TMEM232: variants seen among roughly 807,000 people sequenced by gnomAD.
TMEM232 encodes transmembrane protein 232.
Under a neutral mutation model 78.8 loss-of-function variants are expected in TMEM232, and 80 were observed. The observed-to-expected ratio is 1.01, with a 90% confidence interval of 0.85 to 1.22. The LOEUF (loss-of-function observed/expected upper bound fraction) is 1.22. Among genes scored for constraint, TMEM232 ranks in the 50% most tolerant of loss-of-function variants. The pLI, the probability that TMEM232 is intolerant of heterozygous loss-of-function variation, is 0.00. For missense variants in TMEM232, 881 were observed against 742.2 expected, an observed-to-expected ratio of 1.19 and a Z score of -2.17; for synonymous variants, 297 against 254.3, an observed-to-expected ratio of 1.17 and a Z score of -1.60.
intron 1 of TMEM232, among the ~76,000 whole-genome samples, chr5:110,706,301 G>A (rs552045328): frequency 6.6e-6 from 1 of 152,222 alleles, no homozygotes; most frequent in East Asian, 1.9e-4. Context: ...GTATGCTCAG[G>A]TGATGTATGT....
At chr5:110,532,056 G>T (rs557922940) in intron 11 of TMEM232, among the ~76,000 whole-genome samples, 15 of 152,114 alleles carry the variant, frequency 9.9e-5, no homozygotes, top group African/African-American at 3.4e-4. Flanking sequence ...ACTTCCAAAC[G>T]CCTGAACTGC....
intron 12 of TMEM232, among the ~76,000 whole-genome samples, chr5:110,449,066 A>G (rs1037582289): frequency 1.3e-5 from 2 of 152,158 alleles, no homozygotes; most frequent in South Asian, 2.1e-4. Flanking sequence ...ATGATATTAA[A>G]AAAGGAAATG....
chr5:110,439,025 T>G lies in TMEM232; in HGVS notation c.1704-14109A>C, dbSNP rs1288836769. ...GATATTTTTATCTCAATTGAATAAT[T>G]CTGATTTTCTGTTTTGGAGGACTGA... On this transcript the variant is annotated intron_variant, in intron 12 of 13. Transcript: ENST00000455884. Among the ~76,000 whole-genome samples, 4 of 152,170 alleles carry G rather than the reference T, an allele frequency of 2.6e-5. 1 individual carries two copies. The South Asian group carries it at 8.3e-4, about 32-fold the overall frequency.
At chr5:110,562,591 A>T (rs1302441823) in intron 11 of TMEM232, among the ~76,000 whole-genome samples, 2 of 152,020 alleles carry the variant, frequency 1.3e-5, no homozygotes, top group African/African-American at 4.8e-5. Flanking sequence ...CTAGCCACAT[A>T]TATTATGTCC....
At chr5:110,528,989 AG>A (rs2149529740) in intron 11 of TMEM232, among the ~76,000 whole-genome samples, 154 bp from the exon 12 acceptor site, 2 of 152,308 alleles carry the variant, frequency 1.3e-5, no homozygotes, top group Admixed American at 1.3e-4. Context: ...AAAAAATTGC[AG>A]TTTTCCAAAA....
chr5:110,490,047 C>A (rs1299407684), intron 12 of TMEM232, among the ~76,000 whole-genome samples: 2 of 151,490 alleles, frequency 1.3e-5, no homozygotes, highest in Non-Finnish European at 2.9e-5. Context: ...TTTCTTGAAC[C>A]CAGGAGGCAG....
intron 2 of TMEM232, among the ~76,000 whole-genome samples, chr5:110,659,686 A>G (rs1789540176): frequency 6.6e-6 from 1 of 152,144 alleles, no homozygotes; most frequent in South Asian, 2.1e-4. Context: ...TCATCCCACC[A>G]CATGCTTAAA....
At position 110,737,575 on chromosome 5, in the gene TMEM232, G is replaced by C. The variant is rs982346174; in HGVS notation, c.-126+418C>G. On this transcript the variant is annotated intron_variant, in intron 1 of 4. Transcript: ENST00000512886. ...TTCCCTTTTAAACACCTTAATACGT[G>C]AAAGATAATTAAGATTTACCTTTTT... 2.0e-5 allele frequency among the ~76,000 whole-genome samples: 3 copies of C among 152,100 alleles called. No individual in the cohort carries two copies. The South Asian group carries it at 6.2e-4, about 31-fold the overall frequency.
At chr5:110,534,880 C>A (rs535302239) in intron 11 of TMEM232, among the ~76,000 whole-genome samples, 1 of 152,098 alleles carries the variant, frequency 6.6e-6, no homozygotes, top group Admixed American at 6.6e-5. Flanking sequence ...CAGGCCATCA[C>A]CAATAATTCT....
Position 110,528,597 on chromosome 5 carries a change from A to C in TMEM232, c.1694T>G (p.Phe565Cys). The change falls in exon 12 of 14, where the codon TTC becomes TGC. Residue 565 changes from phenylalanine (F) to cysteine (C), a missense_variant. Physicochemically the swap from Phe to Cys is radical, Grantham distance 205. Coordinates refer to ENST00000455884, the MANE Select transcript of TMEM232 (RefSeq NM_001039763.4). ...TAGTACTTCTCTTTACCTTACAGTG[A>C]AATGTAGAACTTGCTTTTTCACAGA... is the stretch of plus-strand genomic sequence containing the variant. ...LESVKKQVLH[F>C]TVREHPSVSE... The C allele has an allele frequency of 6.5e-7, 1 of 1,530,036 alleles. No individual in the cohort carries two copies. The highest frequency in any genetic ancestry group is 1.2e-5 in the South Asian group (1 of 82,650). The allele number at this position is 1,530,036 out of a possible 1,614,324, so 94.8% of individuals were successfully genotyped here. A position where few individuals can be genotyped will look rare whatever the true frequency, so the allele number is the denominator to read the frequency against.
chr5:110,711,896 G>A (rs1796521042), intron 1 of TMEM232, among the ~76,000 whole-genome samples: 1 of 151,910 alleles, frequency 6.6e-6, no homozygotes, highest in African/African-American at 2.4e-5. Context: ...CACGAAGTCA[G>A]GAGAACAAGA....
chr5:110,522,773 T>G (rs1232339450), intron 12 of TMEM232, among the ~76,000 whole-genome samples: 1 of 152,184 alleles, frequency 6.6e-6, no homozygotes, highest in Admixed American at 6.5e-5. Context: ...ACCCCTTTAG[T>G]CATGATGTAT....
chr5:110,718,874 C>A (rs1207832113), intron 1 of TMEM232, among the ~76,000 whole-genome samples: 1 of 152,120 alleles, frequency 6.6e-6, no homozygotes, highest in East Asian at 1.9e-4. Context: ...CAGCTCAAAT[C>A]TATGATTGAG....
chr5:110,441,953 C>G (rs1759095593), intron 12 of TMEM232, among the ~76,000 whole-genome samples: 1 of 151,652 alleles, frequency 6.6e-6, no homozygotes, highest in African/African-American at 2.4e-5. Flanking sequence ...GCCACTCTCT[C>G]CTGGCCTGTA....
At chr5:110,689,161 T>C (rs1182415730) in intron 1 of TMEM232, among the ~76,000 whole-genome samples, 1 of 152,116 alleles carries the variant, frequency 6.6e-6, no homozygotes, top group Non-Finnish European at 1.5e-5. Context: ...TCTCCAAAAA[T>C]GATTGAGACT....
intron 13 of TMEM232, among the ~76,000 whole-genome samples, chr5:110,424,170 A>G (rs1299710963): frequency 6.6e-6 from 1 of 152,076 alleles, no homozygotes; most frequent in Non-Finnish European, 1.5e-5. Flanking sequence ...ATTAATTGTT[A>G]ATTTAATTGC....
intron 8 of TMEM232, among the ~76,000 whole-genome samples, chr5:110,606,669 T>C (rs997391298): frequency 3.2e-4 from 48 of 151,596 alleles, no homozygotes; most frequent in African/African-American, 1.2e-3. Context: ...CAAGAGAGTG[T>C]TTTCTTCTCA....
At chr5:110,684,962 G>C (rs1362118778) in intron 1 of TMEM232, 2 of 152,024 alleles carry the variant, frequency 1.3e-5, no homozygotes, top group Non-Finnish European at 2.9e-5. Context: ...TGCTAGCTTA[G>C]AAAGTATGTC....
chr5:110,718,114 T>C (rs868515246), intron 1 of TMEM232, among the ~76,000 whole-genome samples: 1 of 152,190 alleles, frequency 6.6e-6, no homozygotes, highest in African/African-American at 2.4e-5. Flanking sequence ...ATTAAAATTA[T>C]ACATATTTGT....
Sources: allele counts gnomAD v4.1 joint callset (sites outside exome capture counted in the v4.1 genomes callset), GRCh38; gene constraint gnomAD v4.1.1; transcripts MANE v1.5; gene names NCBI Gene and HGNC (gene_info 2026-07-23, HGNC 2026-07-21).